The following LAMC3 variants were observed in gnomAD, a reference collection of about 807,000 sequenced individuals.
LAMC3 encodes the protein laminin subunit gamma-3.
A neutral mutation model predicts 173.8 loss-of-function variants in LAMC3; 128 were observed. That is an observed-to-expected ratio of 0.74 (90% CI 0.64 to 0.85). LAMC3 has a LOEUF of 0.85. Ranked by LOEUF, LAMC3 falls within the 40% of genes least tolerant of loss-of-function variation. The pLI is 0.00. For missense variants in LAMC3, 2,022 were observed against 2,156.0 expected, an observed-to-expected ratio of 0.94 and a Z score of 1.23; for synonymous variants, 897 against 909.1, an observed-to-expected ratio of 0.99 and a Z score of 0.24.
chr9:131,059,418 G>A (rs1252660975), intron 12 of LAMC3, among the ~76,000 whole-genome samples: 21 of 144,896 alleles, frequency 1.4e-4, no homozygotes, highest in Non-Finnish European at 1.5e-5. Flanking sequence ...TTTGAACCCA[G>A]GGGGCGGAGG....
chr9:131,023,191 G>A (rs1327440535), intron 1 of LAMC3, among the ~76,000 whole-genome samples: 1 of 152,176 alleles, frequency 6.6e-6, no homozygotes, highest in Non-Finnish European at 1.5e-5. Flanking sequence ...GGGCATTGGA[G>A]TTGTTCCCAC....
In LAMC3 at chr9:131,042,669, C is replaced by T. The variant is rs561544525; in HGVS notation, c.1382+934C>T. On this transcript the variant is annotated intron_variant, in intron 7 of 27. Coordinates refer to ENST00000361069, the MANE Select transcript of LAMC3 (RefSeq NM_006059.4). The stretch of plus-strand genomic sequence containing the variant: ...CAACCCTTGCCTTTCACAGCCATGG[C>T]AGACATCACTAATGGTGCCATATCA... 1.3e-4 allele frequency among the ~76,000 whole-genome samples: 20 copies of T among 151,852 alleles called. No individual in the cohort carries two copies. In the East Asian group the frequency reaches 3.9e-3, roughly 30 times the overall value.
At chr9:131,076,295 CAGCTCCTCTG>C (rs1028833814) in intron 21 of LAMC3, among the ~76,000 whole-genome samples, 15 of 152,178 alleles carry the variant, frequency 9.9e-5, no homozygotes, top group Non-Finnish European at 8.8e-5. Context: ...CAGCCCAGGG[CAGCTCCTCTG>C]AGCTCCTCTG....
In LAMC3 at chr9:131,072,854, CT is replaced by C; in HGVS notation, c.3417+20del. The C allele has an allele frequency of 1.2e-6, 2 of 1,601,054 alleles. No individual in the cohort carries two copies. Among genetic ancestry groups the C allele is most frequent in the Non-Finnish European group, 1.7e-6 (2 of 1,173,374 alleles). On this transcript the variant is annotated intron_variant, in intron 19 of 27. Transcript: ENST00000361069. The stretch of plus-strand genomic sequence containing the variant: ...GTCTCTGGTATCCCAGGGGACCCCC[CT>C]ACCCGAACACACCAAACCTGGGCAT...
rs1833992075 is a variant in LAMC3, at chr9:131,038,928, C to T, written c.1041C>T (p.Gly347=). Residue 347 remains glycine, a synonymous_variant, in exon 5 of 28, where the codon GGC becomes GGT. Coordinates refer to ENST00000361069, the MANE Select transcript of LAMC3 (RefSeq NM_006059.4). ...ATCGGGAGCTCTTCCGCAGCACAGG[C>T]CACGGCGGGCGCTGTCACCACTGCC... ...TFDRELFRST[G]HGGRCHHCRD... 1.2e-6 allele frequency: 2 copies of T among 1,613,244 alleles called. No individual in the cohort carries two copies. Among genetic ancestry groups the T allele is most frequent in the South Asian group, 2.2e-5 (2 of 91,068 alleles).
rs1315483741 is a variant in LAMC3, at chr9:131,079,031, G to C, written c.3778-118G>C. ...AGGTTTTCAGGGGGCTTGGGTTCTT[G>C]GCTGGCAGCCAGGGGCAGACCCGCC... On this transcript the variant is annotated intron_variant, in intron 22 of 27. Transcript: ENST00000361069. 4 of 1,314,312 alleles carry C rather than the reference G, an allele frequency of 3.0e-6. No homozygotes were observed. In the Admixed American group the frequency reaches 6.0e-5, roughly 20 times the overall value. 81.4% of individuals were successfully genotyped at this position (1,314,312 alleles called of 1,614,324 possible). A position where few individuals can be genotyped will look rare whatever the true frequency, so the allele number is the denominator to read the frequency against.
Position 131,009,235 on chromosome 9 carries a change from G to T in LAMC3, c.21G>T (p.Leu7=). The T allele has an allele frequency of 8.0e-7, 1 of 1,252,674 alleles. No individual in the cohort carries two copies. Among genetic ancestry groups the T allele is most frequent in the Non-Finnish European group, 1.0e-6 (1 of 1,003,244 alleles). The allele number at this position is 1,252,674 out of a possible 1,614,324, so 77.6% of individuals were successfully genotyped here. The change falls in exon 1 of 28, where the codon CTG becomes CTT. Residue 7 remains leucine, a synonymous_variant. Transcript: ENST00000361069. This position sits in a 1 kb window ranked among gnomAD's most constrained non-coding sequence, Gnocchi z 4.3. MAAAAL[L]LGLALLAPRA... is the part of the protein sequence containing the mutation. The stretch of plus-strand genomic sequence containing the variant: ...TGACCATGGCGGCGGCTGCGCTTCT[G>T]CTGGGGCTGGCGCTGCTGGCACCGC...
rs1221928438 is a variant in LAMC3 at position 131,009,391 on chromosome 9, G to A, written c.177G>A (p.Glu59=). 6.5e-7 allele frequency: 1 copy of A among 1,532,936 alleles called. No homozygotes were observed. Among genetic ancestry groups the A allele is most frequent in the Admixed American group, 2.0e-5 (1 of 50,384 alleles). 95.0% of individuals were successfully genotyped at this position (1,532,936 alleles called of 1,614,324 possible). A position where few individuals can be genotyped will look rare whatever the true frequency, so the allele number is the denominator to read the frequency against. The part of the protein sequence containing the change: ...QASHTCGSPP[E]DFCPHVGAAG... ...CGCACACGTGCGGCAGCCCGCCCGA[G>A]GACTTCTGTCCCCACGTGGGCGCCG... Residue 59 remains glutamate, a synonymous_variant, in exon 1 of 28, where the codon GAG becomes GAA. Transcript: ENST00000361069. The surrounding 1 kb of genome is among the most constrained non-coding windows in gnomAD (Gnocchi z 4.3).
intron 12 of LAMC3, among the ~76,000 whole-genome samples, chr9:131,059,270 A>G (rs1829758184): frequency 6.6e-6 from 1 of 151,918 alleles, no homozygotes; most frequent in Non-Finnish European, 1.5e-5. Flanking sequence ...AGGTGGGCAG[A>G]TCATGCAGTC....
chr9:131,045,906 A>T (rs1378006951), intron 8 of LAMC3, among the ~76,000 whole-genome samples: 1 of 152,052 alleles, frequency 6.6e-6, no homozygotes, highest in Non-Finnish European at 1.5e-5. Context: ...CGGGTACGTG[A>T]CGCTTTTTGG....
At position 131,009,306 on chromosome 9, in the gene LAMC3, G is replaced by A. The variant is rs116259120; in HGVS notation, c.92G>A (p.Arg31His). The A allele has an allele frequency of 2.8e-6, 4 of 1,443,816 alleles. No homozygotes were observed. The highest frequency in any genetic ancestry group is 2.7e-6 in the Non-Finnish European group (3 of 1,104,852). 89.4% of individuals were successfully genotyped at this position (1,443,816 alleles called of 1,614,324 possible). Residue 31 changes from arginine (R) to histidine (H), a missense_variant, in exon 1 of 28, where the codon CGC (arginine) becomes CAC (histidine). Transcript: ENST00000361069. This position sits in a 1 kb window ranked among gnomAD's most constrained non-coding sequence, Gnocchi z 4.3. ...GMGACYDGAG[R>H]PQRCLPVFEN... ...GGCGCGTGCTATGACGGCGCAGGGC[G>A]CCCGCAGCGCTGCCTGCCGGTGTTC... is the stretch of plus-strand genomic sequence containing the variant.
Position 131,073,229 on chromosome 9 carries a change from C to T in LAMC3, c.3418-16C>T. 6.2e-7 allele frequency: 1 copy of T among 1,604,548 alleles called. No homozygotes were observed. The highest frequency in any genetic ancestry group is 8.5e-7 in the Non-Finnish European group (1 of 1,173,202). On this transcript the variant is annotated splice_polypyrimidine_tract_variant and intron_variant, in intron 19 of 27. Coordinates refer to ENST00000361069, the MANE Select transcript of LAMC3 (RefSeq NM_006059.4). The stretch of plus-strand genomic sequence containing the variant: ...GATGGGCCATCAGTTTCCTCCTCTT[C>T]CTCTTCTTTCTACAGGAGATTCCTC...
Position 131,085,691 on chromosome 9 carries a change from G to A in LAMC3, c.4198G>A (p.Glu1400Lys), listed in dbSNP as rs1830319465. 1.2e-6 allele frequency: 2 copies of A among 1,614,220 alleles called. No homozygotes were observed. Among genetic ancestry groups the A allele is most frequent in the South Asian group, 1.1e-5 (1 of 91,082 alleles). ...CTCCAGTGCCAAGAAGAAGGGCAGA[G>A]AAGCAGAGGTGTTGGCCAAGGACAG... is the stretch of plus-strand genomic sequence containing the variant. ...LSSSAKKKGREAEVLAKDSAK... is the reference protein window; with the variant it reads ...LSSSAKKKGRKAEVLAKDSAK... The change falls in exon 25 of 28, where the codon GAA (glutamate) becomes AAA (lysine). Residue 1400 changes from glutamate to lysine, a missense_variant. By Grantham distance (56) the Glu-to-Lys change is moderately conservative (BLOSUM62 1). Transcript: ENST00000361069.
intron 8 of LAMC3, among the ~76,000 whole-genome samples, chr9:131,046,562 C>T (rs1449818271): frequency 1.2e-5 from 1 of 82,436 alleles, no homozygotes; most frequent in East Asian, 3.9e-4. Flanking sequence ...CGGGGTCTTA[C>T]CATGTTGCCC....
chr9:131,061,180 G>C lies in LAMC3; in HGVS notation c.2304G>C (p.Glu768Asp), dbSNP rs1318612588. Residue 768 changes from glutamate to aspartate, a missense_variant, in exon 13 of 28, where the codon GAG (glutamate) becomes GAC (aspartate). Physicochemically the swap from Glu to Asp is conservative, Grantham distance 45. Coordinates refer to ENST00000361069, the MANE Select transcript of LAMC3 (RefSeq NM_006059.4). ...PGQSACTTIP[E>D]SREVVCTHCP... ...AGTCGGCCTGTACGACCATCCCAGA[G>C]AGCCGGGAGGTGGTGTGTACCCACT... The C allele has an allele frequency of 2.5e-6, 4 of 1,611,798 alleles. No homozygotes were observed. Among genetic ancestry groups the C allele is most frequent in the East Asian group, 2.2e-5 (1 of 44,876 alleles).
In LAMC3 at chr9:131,068,158, CAT is replaced by C. The variant is rs1829974361; in HGVS notation, c.2675_2676del (p.His892ArgfsTer56). 1 of 1,613,470 alleles carries C rather than the reference CAT, an allele frequency of 6.2e-7. No homozygotes were observed. The highest frequency in any genetic ancestry group is 1.1e-5 in the South Asian group (1 of 91,084). Reference sequence around the variant, plus strand: ...GACAGGCCAATGCTCCTGCCTGCCTCATGTGACTGCACGGGACTGCAGCCGCT... The same window carrying C: ...GACAGGCCAATGCTCCTGCCTGCCTCGTGACTGCACGGGACTGCAGCCGCT... ...PVTGQCSCLP[H>X]VTARDCSRCY... is the part of the protein sequence containing the mutation. On this transcript the variant is annotated frameshift_variant, in exon 15 of 28. Transcript: ENST00000361069. LOFTEE classifies it high-confidence loss of function.
chr9:131,072,462 C>T (rs1007350110), intron 18 of LAMC3, among the ~76,000 whole-genome samples, 168 bp from the exon 19 acceptor site: 1 of 152,110 alleles, frequency 6.6e-6, no homozygotes, highest in Non-Finnish European at 1.5e-5. Flanking sequence ...CTCTGGGCCT[C>T]GGCCTGCACC....
At chr9:131,051,838 G>A (rs1296028964) in intron 9 of LAMC3, among the ~76,000 whole-genome samples, 1 of 127,038 alleles carries the variant, frequency 7.9e-6, no homozygotes, top group Non-Finnish European at 1.7e-5. Context: ...AAAGGAGGAG[G>A]GAGGGTGGCC....
chr9:131,044,701 G>A (rs1834117650), intron 7 of LAMC3, among the ~76,000 whole-genome samples: 1 of 152,146 alleles, frequency 6.6e-6, no homozygotes, highest in Non-Finnish European at 1.5e-5. Flanking sequence ...CTTCACCTCT[G>A]TGTATTTCTT....
Sources: allele counts gnomAD v4.1 joint callset (sites outside exome capture counted in the v4.1 genomes callset), GRCh38; gene constraint gnomAD v4.1.1; non-coding constraint Gnocchi (gnomAD v3.1); transcripts MANE v1.5; gene names NCBI Gene and HGNC (gene_info 2026-07-23, HGNC 2026-07-21).